The following ITGA9 variants were observed in gnomAD, a reference collection of about 807,000 sequenced individuals.
ITGA9 encodes the protein integrin subunit alpha 9, also known as integrin alpha-9.
A neutral mutation model predicts 127.8 loss-of-function variants in ITGA9; 56 were observed. The observed-to-expected ratio is 0.44, with a 90% confidence interval of 0.35 to 0.55. ITGA9 has a LOEUF of 0.55. Among genes scored for constraint, ITGA9 ranks in the 20% least tolerant of loss-of-function variants. The probability of loss-of-function intolerance (pLI) is 0.00; values close to 1 mark genes in which losing one functional copy is unlikely to be tolerated. For synonymous variants in ITGA9, 508 were observed against 514.5 expected (o/e 0.99, Z 0.17); for missense variants, 1,196 against 1,347.1 (o/e 0.89, Z 1.76).
chr3:37,590,492 C>T (rs1225761950), intron 15 of ITGA9, among the ~76,000 whole-genome samples: 3 of 152,158 alleles, frequency 2.0e-5, no homozygotes, highest in Admixed American at 6.5e-5. Context: ...CAGCTCAGTC[C>T]GAAGACACAT....
intron 16 of ITGA9, among the ~76,000 whole-genome samples, chr3:37,633,312 T>C (rs1448043714): frequency 4.6e-5 from 7 of 152,178 alleles, no homozygotes; most frequent in African/African-American, 1.7e-4. Flanking sequence ...TGACTCACGA[T>C]GGGGTTATGT....
chr3:37,572,171 T>A (rs532100134), intron 15 of ITGA9, among the ~76,000 whole-genome samples: 1 of 152,130 alleles, frequency 6.6e-6, no homozygotes, highest in Admixed American at 6.5e-5. Flanking sequence ...ACACACCAAG[T>A]GTGTTAGAGA....
intron 6 of ITGA9, among the ~76,000 whole-genome samples, chr3:37,503,863 A>G (rs1328988711): frequency 6.6e-6 from 1 of 152,278 alleles, no homozygotes; most frequent in East Asian, 1.9e-4. Flanking sequence ...ACACTGGGAC[A>G]AGGTCCATGC....
chr3:37,655,369 C>T (rs995318598), intron 17 of ITGA9, among the ~76,000 whole-genome samples: 1 of 152,186 alleles, frequency 6.6e-6, no homozygotes, highest in African/African-American at 2.4e-5. Context: ...GTTTTCTTGA[C>T]TTTTTAATGA....
At chr3:37,703,803 C>T (rs1377121790) in intron 18 of ITGA9, among the ~76,000 whole-genome samples, 1 of 152,176 alleles carries the variant, frequency 6.6e-6, no homozygotes, top group East Asian at 1.9e-4. Context: ...GTGTTTAACC[C>T]TCACAGCAAC....
At chr3:37,525,924 C>T (rs542531329) in intron 12 of ITGA9, 102 bp from the exon 13 acceptor site, 21 of 920,404 alleles carry the variant, frequency 2.3e-5, no homozygotes, top group African/African-American at 1.3e-4. Flanking sequence ...GAGGGCTCTC[C>T]GGCCTCAAGG....
intron 5 of ITGA9, among the ~76,000 whole-genome samples, chr3:37,494,910 G>A (rs1446103004): frequency 6.6e-6 from 1 of 152,160 alleles, no homozygotes; most frequent in Admixed American, 6.5e-5. Flanking sequence ...CCCATCATTG[G>A]CGGCTGTGCA....
chr3:37,617,106 G>T (rs1700082536), intron 15 of ITGA9, among the ~76,000 whole-genome samples: 1 of 152,318 alleles, frequency 6.6e-6, no homozygotes, highest in East Asian at 1.9e-4. Context: ...GGTAATGGTT[G>T]TTCCTTTCCA....
intron 15 of ITGA9, among the ~76,000 whole-genome samples, chr3:37,607,772 A>C (rs771445888): frequency 6.6e-6 from 1 of 152,226 alleles, no homozygotes; most frequent in African/African-American, 2.4e-5. Context: ...GCAAAGCCCA[A>C]TGAACCTTGT....
intron 23 of ITGA9, among the ~76,000 whole-genome samples, chr3:37,755,755 A>G (rs1468286329): frequency 6.6e-6 from 1 of 152,190 alleles, no homozygotes; most frequent in Non-Finnish European, 1.5e-5. Context: ...GATGATCATA[A>G]TATAAGAGTT....
At chr3:37,781,428 CAGATTTGA>C (rs1559597033) in intron 25 of ITGA9, among the ~76,000 whole-genome samples, 1 of 152,154 alleles carries the variant, frequency 6.6e-6, no homozygotes, top group South Asian at 2.1e-4. Flanking sequence ...GGCAGAGGGC[CAGATTTGA>C]CCCATGAGTC....
rs553672441 is a variant in ITGA9, at chr3:37,683,763, T to G, written c.1917-102T>G. ...TAATGGGGCTCCTGGAACTTGTAGT[T>G]CTGATCTCGGTTTCTGCCCCCCACC... On this transcript the variant is annotated intron_variant, in intron 17 of 27. Coordinates refer to ENST00000264741, the MANE Select transcript of ITGA9 (RefSeq NM_002207.3). 17 of 1,205,026 alleles carry G rather than the reference T, an allele frequency of 1.4e-5. No individual in the cohort carries two copies. In the South Asian group the frequency reaches 2.2e-4, roughly 15 times the overall value. 74.6% of individuals were successfully genotyped at this position (1,205,026 alleles called of 1,614,324 possible).
At chr3:37,589,870 ACG>A (rs1303510111) in intron 15 of ITGA9, among the ~76,000 whole-genome samples, 1 of 152,064 alleles carries the variant, frequency 6.6e-6, no homozygotes, top group Non-Finnish European at 1.5e-5. Context: ...ATTGCAAAGT[ACG>A]GAGGGGACAA....
At chr3:37,793,261 T>C (rs1223520162) in intron 26 of ITGA9, among the ~76,000 whole-genome samples, 1 of 152,016 alleles carries the variant, frequency 6.6e-6, no homozygotes, top group African/African-American at 2.4e-5. Context: ...GCCACTGCTA[T>C]GGAAAGTTGT....
rs530547537 is a variant in ITGA9, at chr3:37,640,248, C to T, written c.1839+10912C>T. Among the ~76,000 whole-genome samples, 6 of 152,162 alleles carry T rather than the reference C, an allele frequency of 3.9e-5. No homozygotes were observed. The East Asian group carries it at 7.7e-4, about 20-fold the overall frequency. The stretch of plus-strand genomic sequence containing the variant: ...TCCAGGTGGGTCCAATCTAGTCACA[C>T]GAGCCCTTAATAGCAGCAAACTTCC... On this transcript the variant is annotated intron_variant, in intron 16 of 27. Coordinates refer to ENST00000264741, the MANE Select transcript of ITGA9 (RefSeq NM_002207.3).
intron 1 of ITGA9, among the ~76,000 whole-genome samples, chr3:37,462,283 T>C (rs1447354806): frequency 6.6e-6 from 1 of 152,226 alleles, no homozygotes; most frequent in Non-Finnish European, 1.5e-5. Context: ...CCTGCCCCCG[T>C]GCCTCTGCTT....
In ITGA9 at chr3:37,803,905, T is replaced by G. The variant is rs756248670; in HGVS notation, c.2972T>G (p.Ile991Ser). 3.7e-6 allele frequency: 6 copies of G among 1,614,192 alleles called. No homozygotes were observed. Among genetic ancestry groups the G allele is most frequent in the Non-Finnish European group, 5.1e-6 (6 of 1,180,026 alleles). The change falls in exon 27 of 28, where the codon ATC (isoleucine) becomes AGC (serine). Residue 991 changes from isoleucine to serine, a missense_variant. By Grantham distance (142) the Ile-to-Ser change is moderately radical. Transcript: ENST00000264741. ...WIIAISLLVG[I>S]LIFLLLAVLL... ...ATCGCCATCAGTTTGTTGGTGGGAATCCTCATCTTCCTGCTGCTGGCCGTG... is the reference window on the plus strand; with the variant it reads ...ATCGCCATCAGTTTGTTGGTGGGAAGCCTCATCTTCCTGCTGCTGGCCGTG...
At chr3:37,455,373 A>T (rs190113529) in intron 1 of ITGA9, among the ~76,000 whole-genome samples, 154 of 152,330 alleles carry the variant, frequency 1.0e-3, no homozygotes, top group African/African-American at 3.6e-3. Context: ...AGAGGATGGA[A>T]GCTTCAAGGC....
rs368351021 is a variant in ITGA9, at chr3:37,621,792, C to A, written c.1690-7395C>A. The stretch of plus-strand genomic sequence containing the variant: ...TACATTTCAGACTAATGATGATATC[C>A]ATTACTATATGTGCAATTGCTTATA... On this transcript the variant is annotated intron_variant, in intron 15 of 27. Transcript: ENST00000264741. 5.9e-5 allele frequency among the ~76,000 whole-genome samples: 9 copies of A among 152,276 alleles called. No homozygotes were observed. The East Asian group carries it at 1.7e-3, about 29-fold the overall frequency.
Sources: gnomAD v4.1 joint callset for allele counts (sites outside exome capture counted in the v4.1 genomes callset) on GRCh38, gnomAD v4.1.1 for gene constraint, MANE v1.5 for transcripts, NCBI Gene and HGNC (gene_info 2026-07-23, HGNC 2026-07-21) for gene names.